The following DNAH7 variants were observed in gnomAD, a reference collection of about 807,000 sequenced individuals.
The protein encoded by DNAH7 is dynein axonemal heavy chain 7, also known as axonemal beta dynein heavy chain 7.
A neutral mutation model predicts 444.6 loss-of-function variants in DNAH7; 397 were observed. The observed-to-expected ratio is 0.89, with a 90% CI of 0.82 to 0.97. The LOEUF (loss-of-function observed/expected upper bound fraction) is 0.97. DNAH7 is among the 50% of genes least tolerant of loss of function. The pLI is 0.00. For synonymous variants in DNAH7, 1,636 were observed against 1,624.4 expected (o/e 1.01, Z -0.17); for missense variants, 4,902 against 4,800.8 (o/e 1.02, Z -0.62).
intron 48 of DNAH7, among the ~76,000 whole-genome samples, chr2:195,833,837 C>A (rs1698193814): frequency 6.6e-6 from 1 of 152,100 alleles, no homozygotes; most frequent in African/African-American, 2.4e-5. Flanking sequence ...CTCACTGCAA[C>A]CTCCACCTCC....
chr2:195,778,079 C>G, intron 58 of DNAH7, 94 bp from the exon 59 acceptor site: 1 of 1,237,310 alleles, frequency 8.1e-7, no homozygotes, highest in East Asian at 2.8e-5. Context: ...AAACATCTTA[C>G]AAAAAGTTCG....
At chr2:195,740,725 T>C in intron 64 of DNAH7, 41 bp downstream of exon 64, 2 of 791,602 alleles carry the variant, frequency 2.5e-6, no homozygotes, top group Non-Finnish European at 3.5e-6. Context: ...AAAATATGTA[T>C]AAAATAATTC....
chr2:196,056,363 T>C (rs575051652), intron 2 of DNAH7, among the ~76,000 whole-genome samples: 6 of 150,646 alleles, frequency 4.0e-5, no homozygotes, highest in African/African-American at 1.5e-4. Flanking sequence ...GAGAATTGCT[T>C]GAGCCCGGGA....
At chr2:195,796,282 T>C (rs927815369) in intron 56 of DNAH7, among the ~76,000 whole-genome samples, 4 of 152,306 alleles carry the variant, frequency 2.6e-5, no homozygotes, top group East Asian at 3.9e-4. Flanking sequence ...TTGATGTATA[T>C]CTACCCTGTG....
chr2:195,751,702 G>A lies in DNAH7; in HGVS notation c.11764+2635C>T, dbSNP rs75999604. On this transcript the variant is annotated intron_variant, in intron 63 of 64. Transcript: ENST00000312428. ...TTCTAGAAACTGTCAGGAGGTTAGC[G>A]TGACCTGAGCATAGTGGCACATGAT... Among the ~76,000 whole-genome samples, 352 of 152,250 alleles carry A rather than the reference G, an allele frequency of 2.3e-3. 1 individual carries two copies. Among genetic ancestry groups the A allele is most frequent in the African/African-American group, 7.8e-3 (325 of 41,530 alleles).
intron 46 of DNAH7, among the ~76,000 whole-genome samples, chr2:195,846,582 G>C (rs1699012977): frequency 6.6e-6 from 1 of 152,162 alleles, no homozygotes; most frequent in Admixed American, 6.5e-5. Flanking sequence ...ATGTCAACTT[G>C]ATTGGATTGA....
At chr2:195,915,141 A>G (rs1241953504) in intron 24 of DNAH7, among the ~76,000 whole-genome samples, 1 of 152,204 alleles carries the variant, frequency 6.6e-6, no homozygotes, top group Non-Finnish European at 1.5e-5. Context: ...ACAATAAAGA[A>G]TATCAGATAT....
At chr2:195,831,666 A>C (rs1365075252) in intron 48 of DNAH7, among the ~76,000 whole-genome samples, 1 of 152,246 alleles carries the variant, frequency 6.6e-6, no homozygotes, top group Non-Finnish European at 1.5e-5. Flanking sequence ...TTAGCATTTA[A>C]AAAGTATTTT....
intron 49 of DNAH7, among the ~76,000 whole-genome samples, chr2:195,819,963 G>T (rs1391812844): frequency 6.6e-6 from 1 of 152,148 alleles, no homozygotes; most frequent in Non-Finnish European, 1.5e-5. Flanking sequence ...TCAATGTTCA[G>T]CCAGGATTGA....
chr2:196,042,538 C>CAAACTACG (rs1696834556), intron 5 of DNAH7, among the ~76,000 whole-genome samples: 1 of 151,774 alleles, frequency 6.6e-6, no homozygotes, highest in Admixed American at 6.6e-5. Context: ...AAAAAAAGGG[C>CAAACTACG]CAAATATTTA....
chr2:195,959,231 GTCTT>G (rs917944052), intron 18 of DNAH7, among the ~76,000 whole-genome samples: 33 of 152,224 alleles, frequency 2.2e-4, no homozygotes, highest in African/African-American at 7.7e-4. Context: ...ATTTTCAGAT[GTCTT>G]TCTAAAATAT....
chr2:195,752,822 T>C (rs573273810), intron 63 of DNAH7, among the ~76,000 whole-genome samples: 1 of 152,154 alleles, frequency 6.6e-6, no homozygotes, highest in Non-Finnish European at 1.5e-5. Flanking sequence ...TTTGTCAACA[T>C]AGAAGTCATC....
intron 51 of DNAH7, among the ~76,000 whole-genome samples, chr2:195,810,990 GTAGA>G (rs2124865459): frequency 6.6e-6 from 1 of 152,220 alleles, no homozygotes; most frequent in South Asian, 2.1e-4. Flanking sequence ...GTCTCTTCTT[GTAGA>G]CAGAAAGATT....
rs763905290 is a variant in DNAH7 at position 195,960,749 on chromosome 2, C to T, written c.2402G>A (p.Gly801Glu). 1 of 1,614,126 alleles carries T rather than the reference C, an allele frequency of 6.2e-7. No homozygotes were observed. Among genetic ancestry groups the T allele is most frequent in the East Asian group, 2.2e-5 (1 of 44,878 alleles). ...VNPDQVEADI[G>E]NYWRGLYKLE... ...TTTATATAATCCTCTCCAGTAATTT[C>T]CAATATCTGCTTCTACTTGGTCTGG... Residue 801 changes from glycine (G) to glutamate (E), a missense_variant, in exon 18 of 65, where the codon GGA becomes GAA. Physicochemically the swap from Gly to Glu is moderately conservative, Grantham distance 98. Transcript: ENST00000312428.
chr2:195,816,010 AC>A (rs1374680949), intron 51 of DNAH7, among the ~76,000 whole-genome samples: 1 of 152,210 alleles, frequency 6.6e-6, no homozygotes, highest in East Asian at 1.9e-4. Flanking sequence ...ACAAAACAAA[AC>A]AAAAACATGT....
rs749196246 is a variant in DNAH7, at chr2:195,756,127, A to G, written c.11586+6T>C. 5 of 1,594,196 alleles carry G rather than the reference A, an allele frequency of 3.1e-6. No homozygotes were observed. Among genetic ancestry groups the G allele is most frequent in the Non-Finnish European group, 4.3e-6 (5 of 1,168,998 alleles). On this transcript the variant is annotated splice_donor_region_variant and intron_variant, in intron 62 of 64. Coordinates refer to ENST00000312428, the MANE Select transcript of DNAH7 (RefSeq NM_018897.3). The stretch of plus-strand genomic sequence containing the variant: ...TAACAATATACGATCATTTAGACGA[A>G]CTTACCTGCAAGAATTTTAGTCTTG...
In DNAH7 at chr2:195,806,727, A is replaced by G. The variant is rs759835749; in HGVS notation, c.10176+13T>C. ...TTTGGAATCATTGAGCTGTTTTCAAAGCCCACATTTACCTTGTCTGGCCTC... is the reference window on the plus strand; with the variant it reads ...TTTGGAATCATTGAGCTGTTTTCAAGGCCCACATTTACCTTGTCTGGCCTC... On this transcript the variant is annotated intron_variant, in intron 54 of 64. Coordinates refer to ENST00000312428, the MANE Select transcript of DNAH7 (RefSeq NM_018897.3). 6.2e-6 allele frequency: 10 copies of G among 1,610,502 alleles called. No homozygotes were observed. The highest frequency in any genetic ancestry group is 7.6e-6 in the Non-Finnish European group (9 of 1,177,256).
At chr2:195,883,459 CCCA>C (rs1701536621) in intron 35 of DNAH7, among the ~76,000 whole-genome samples, 1 of 148,656 alleles carries the variant, frequency 6.7e-6, no homozygotes, top group African/African-American at 2.6e-5. Context: ...GCTCCCCCCC[CCCA>C]AAAAAAAAGA....
At chr2:195,786,581 T>C (rs1695633185) in intron 58 of DNAH7, among the ~76,000 whole-genome samples, 2 of 152,030 alleles carry the variant, frequency 1.3e-5, no homozygotes, top group Admixed American at 1.3e-4. Flanking sequence ...TTTTTTTTTT[T>C]TTCCTGACAA....
Sources: allele counts gnomAD v4.1 joint callset (sites outside exome capture counted in the v4.1 genomes callset), GRCh38; gene constraint gnomAD v4.1.1; transcripts MANE v1.5; gene names NCBI Gene and HGNC (gene_info 2026-07-23, HGNC 2026-07-21).